Variants in SLC9A5 observed in about 807,000 individuals in gnomAD.
The protein encoded by SLC9A5 is solute carrier family 9 member A5, also known as sodium/hydrogen exchanger 5.
A neutral mutation model predicts 91.7 loss-of-function variants in SLC9A5; 52 were observed. That is an observed-to-expected ratio of 0.57 (90% CI 0.45 to 0.71). The LOEUF is 0.71. Ranked by LOEUF, SLC9A5 falls within the 30% of genes least tolerant of loss-of-function variation. The probability of loss-of-function intolerance (pLI) is 0.00; values close to 1 mark genes in which losing one functional copy is unlikely to be tolerated. For synonymous variants in SLC9A5, 419 were observed against 474.5 expected, an observed-to-expected ratio of 0.88 and a Z score of 1.52; for missense variants, 871 against 1,158.9, an observed-to-expected ratio of 0.75 and a Z score of 3.61.
chr16:67,257,842 CTT>C lies in SLC9A5; in HGVS notation c.1496+243_1496+244del, dbSNP rs1435186854. Among the ~76,000 whole-genome samples, 1 of 152,236 alleles carries C rather than the reference CTT, an allele frequency of 6.6e-6. No homozygotes were observed. The highest frequency in any genetic ancestry group is 2.4e-5 in the African/African-American group (1 of 41,464). ...CCAGCCTCATCATGCTCTGCTCTGT[CTT>C]TGACTGTCTGCCTGCTAATTCCATG... is the stretch of plus-strand genomic sequence containing the variant. On this transcript the variant is annotated intron_variant, in intron 9 of 15. Transcript: ENST00000299798. The surrounding 1 kb of genome is among the most constrained non-coding windows in gnomAD (Gnocchi z 5.1).
chr16:67,262,401 GT>G (rs2035561288), intron 12 of SLC9A5: 1 of 381,700 alleles, frequency 2.6e-6, no homozygotes, highest in African/African-American at 2.1e-5. Context: ...CTAGTTTTCA[GT>G]TAGAAAGATA....
Position 67,258,453 on chromosome 16 carries a change from C to T in SLC9A5, c.1626+6C>T. 1 of 1,613,968 alleles carries T rather than the reference C, an allele frequency of 6.2e-7. No homozygotes were observed. The highest frequency in any genetic ancestry group is 8.5e-7 in the Non-Finnish European group (1 of 1,179,950). On this transcript the variant is annotated splice_donor_region_variant and intron_variant, in intron 10 of 15. Transcript: ENST00000299798. This position sits in a 1 kb window ranked among gnomAD's most constrained non-coding sequence, Gnocchi z 4.5. The stretch of plus-strand genomic sequence containing the variant: ...CCATCAGCTTTGTGGACCAGGTGGG[C>T]CAGCAGCTTCCAGGTGGGCCAGTGG...
rs1462636724 is a variant in SLC9A5, at chr16:67,272,155, C to G, written c.*945C>G. On this transcript the variant is annotated 3_prime_UTR_variant, in exon 16 of 16. Transcript: ENST00000299798. ...TCAGCACCTGCCCTGTGTTTTGTAC[C>G]TTGAACCTAAGATATATTAAACATC... 2 of 152,100 alleles carry G rather than the reference C, an allele frequency of 1.3e-5. No homozygotes were observed. The highest frequency in any genetic ancestry group is 1.3e-4 in the Admixed American group (2 of 15,270). The allele number at this position is 152,100 out of a possible 1,614,324, so 9.4% of individuals were successfully genotyped here.
At chr16:67,251,932 A>G (rs1189678122) in intron 1 of SLC9A5, among the ~76,000 whole-genome samples, 2 of 152,198 alleles carry the variant, frequency 1.3e-5, no homozygotes, top group African/African-American at 2.4e-5. Context: ...TGAGGTTCAA[A>G]TAATGGCTAT....
intron 12 of SLC9A5, chr16:67,262,328 A>G (rs2142369996): frequency 2.2e-6 from 1 of 449,596 alleles, no homozygotes; most frequent in African/African-American, 2.0e-5. Flanking sequence ...ACTTAGTATG[A>G]TAACACAATC....
intron 12 of SLC9A5, chr16:67,263,393 A>T (rs1227420475): frequency 1.3e-5 from 2 of 150,262 alleles, no homozygotes; most frequent in Non-Finnish European, 3.0e-5. Context: ...GAAGCATTTC[A>T]GGGGATTACC....
intron 15 of SLC9A5, among the ~76,000 whole-genome samples, chr16:67,268,695 T>TATATATATAC: frequency 1.1e-5 from 1 of 91,634 alleles, no homozygotes; most frequent in Admixed American, 1.1e-4. Flanking sequence ...TATATATATA[T>TATATATATAC]ATATATATAT....
At position 67,252,046 on chromosome 16, in the gene SLC9A5, G is replaced by C. The variant is rs2035142989; in HGVS notation, c.188-496G>C. On this transcript the variant is annotated intron_variant, in intron 1 of 15. Transcript: ENST00000299798. This position sits in a 1 kb window ranked among gnomAD's most constrained non-coding sequence, Gnocchi z 4.0. ...AGCAGTAAAGGCCTAGGTTACCATA[G>C]TGTGACAGGAGCACTAAGAAACAGA... 6.6e-6 allele frequency among the ~76,000 whole-genome samples: 1 copy of C among 152,318 alleles called. No homozygotes were observed. Among genetic ancestry groups the C allele is most frequent in the East Asian group, 1.9e-4 (1 of 5,176 alleles).
At chr16:67,253,028 C>T (rs1268025771) in intron 2 of SLC9A5, among the ~76,000 whole-genome samples, 184 bp downstream of exon 2, 1 of 152,222 alleles carries the variant, frequency 6.6e-6, no homozygotes, top group Non-Finnish European at 1.5e-5. Flanking sequence ...CCAGTCTGGG[C>T]TTCTGCAGCA....
intron 12 of SLC9A5, among the ~76,000 whole-genome samples, chr16:67,260,366 A>AC (rs1364371546): frequency 1.3e-5 from 2 of 150,726 alleles, no homozygotes; most frequent in East Asian, 3.9e-4. Context: ...AAAAAAAAAA[A>AC]AAAAAAAAAA....
At position 67,256,654 on chromosome 16, in the gene SLC9A5, G is replaced by A; in HGVS notation, c.1097G>A (p.Gly366Asp). 6 of 1,613,676 alleles carry A rather than the reference G, an allele frequency of 3.7e-6. No homozygotes were observed. The highest frequency in any genetic ancestry group is 5.1e-6 in the Non-Finnish European group (6 of 1,179,990). The change falls in exon 6 of 16, where the codon GGC becomes GAC. Residue 366 changes from glycine to aspartate, a missense_variant. This residue lies in a region of SLC9A5 where 454 missense variants were observed against 718.3 expected (regional missense o/e 0.63). Transcript: ENST00000299798. This position sits in a 1 kb window ranked among gnomAD's most constrained non-coding sequence, Gnocchi z 4.1. ...GCCTGGGATTCTGGGCTGGTGCTGG[G>A]CACCCTCATCTTCATCCTGTTCTTC... The part of the protein sequence containing the change: ...KWAWDSGLVL[G>D]TLIFILFFRA...
chr16:67,261,674 A>G (rs925201937), intron 12 of SLC9A5: 1 of 152,220 alleles, frequency 6.6e-6, no homozygotes, highest in African/African-American at 2.4e-5. Flanking sequence ...AAAAAAATCT[A>G]TAATAGTTCT....
chr16:67,268,710 A>ATATT (rs1555500934), intron 15 of SLC9A5, among the ~76,000 whole-genome samples: 43 of 89,714 alleles, frequency 4.8e-4, no homozygotes, highest in Non-Finnish European at 8.3e-4. Flanking sequence ...ATATATATAT[A>ATATT]TTTTTACAGT....
chr16:67,259,259 T>A lies in SLC9A5; in HGVS notation c.1627-314T>A, dbSNP rs1597354053. On this transcript the variant is annotated intron_variant, in intron 10 of 15. Coordinates refer to ENST00000299798, the MANE Select transcript of SLC9A5 (RefSeq NM_004594.3). The stretch of plus-strand genomic sequence containing the variant: ...TCCAGCCTATGTGACAGAGCAAGAC[T>A]GTGTCTCAAAAAAAAAAAAAAAAAA... Among the ~76,000 whole-genome samples, 6 of 130,978 alleles carry A rather than the reference T, an allele frequency of 4.6e-5. No individual in the cohort carries two copies. In the East Asian group the frequency reaches 1.3e-3, roughly 28 times the overall value. The allele number at this position is 130,978 out of a possible 152,430, so 85.9% of individuals were successfully genotyped here.
chr16:67,257,478 C>G lies in SLC9A5; in HGVS notation c.1425+44C>G. On this transcript the variant is annotated intron_variant, in intron 8 of 15. Transcript: ENST00000299798. This position sits in a 1 kb window ranked among gnomAD's most constrained non-coding sequence, Gnocchi z 5.1. ...GCCCTCGCCTGTCCCTCTCGACCTTCTCCTATTTTGGGCAGAGTCCTGATC... is the reference window on the plus strand; with the variant it reads ...GCCCTCGCCTGTCCCTCTCGACCTTGTCCTATTTTGGGCAGAGTCCTGATC... 1 of 1,613,286 alleles carries G rather than the reference C, an allele frequency of 6.2e-7. No individual in the cohort carries two copies. The highest frequency in any genetic ancestry group is 8.5e-7 in the Non-Finnish European group (1 of 1,179,250).
Position 67,271,703 on chromosome 16 carries a change from G to C in SLC9A5, c.*493G>C, listed in dbSNP as rs2035932327. The C allele has an allele frequency of 6.2e-6, 1 of 160,814 alleles. No individual in the cohort carries two copies. Among genetic ancestry groups the C allele is most frequent in the South Asian group, 1.8e-4 (1 of 5,612 alleles). The allele number at this position is 160,814 out of a possible 1,614,324, so 10.0% of individuals were successfully genotyped here. On this transcript the variant is annotated 3_prime_UTR_variant, in exon 16 of 16. Coordinates refer to ENST00000299798, the MANE Select transcript of SLC9A5 (RefSeq NM_004594.3). ...GGAACTGGGGTGGGAGGTGGGGCAG[G>C]CCTCACCCTTGGGCTTTGCTGCCCT... is the stretch of plus-strand genomic sequence containing the variant.
chr16:67,249,982 C>G (rs1393382588), intron 1 of SLC9A5, among the ~76,000 whole-genome samples: 16 of 152,202 alleles, frequency 1.1e-4, no homozygotes, highest in Admixed American at 1.0e-3. Context: ...AGTGGTCCCT[C>G]CTCCCACCAG....
At chr16:67,251,403 C>CT (rs939453669) in intron 1 of SLC9A5, among the ~76,000 whole-genome samples, 5,837 of 64,768 alleles carry the variant, frequency 0.09, 1,874 homozygotes, top group African/African-American at 0.22. Context: ...AGTAGATTGT[C>CT]TTTTTTTTTT....
chr16:67,266,528 T>C (rs2142383038), intron 15 of SLC9A5, among the ~76,000 whole-genome samples: 1 of 152,290 alleles, frequency 6.6e-6, no homozygotes, highest in South Asian at 2.1e-4. Flanking sequence ...CCTTTCTTTT[T>C]TTAATTTTTA....
Sources: allele counts gnomAD v4.1 joint callset (sites outside exome capture counted in the v4.1 genomes callset), GRCh38; gene constraint gnomAD v4.1.1; regional missense constraint gnomAD v4.1.1; non-coding constraint Gnocchi (gnomAD v3.1); transcripts MANE v1.5; gene names NCBI Gene and HGNC (gene_info 2026-07-23, HGNC 2026-07-21).